Variants in FOXN3 observed in about 807,000 individuals in gnomAD.
FOXN3 encodes forkhead box N3.
FOXN3 carries 7 observed loss-of-function variants against 38.4 expected under a neutral mutation model. The ratio of observed to expected loss-of-function variants is 0.18; its 90% confidence interval spans 0.10 to 0.34. The LOEUF is 0.34. Among genes scored for constraint, FOXN3 ranks in the 10% least tolerant of loss-of-function variants. The pLI, the probability that FOXN3 is intolerant of heterozygous loss-of-function variation, is 1.00. For missense variants in FOXN3, 456 were observed against 613.4 expected (o/e 0.74, Z 2.71); for synonymous variants, 230 against 242.2 (o/e 0.95, Z 0.47).
In FOXN3 at chr14:89,414,551, GTTTT is replaced by G. The variant is rs748504239; in HGVS notation, c.-14-2065_-14-2062del. On this transcript the variant is annotated intron_variant, in intron 1 of 5. Transcript: ENST00000557258. ...GGAGCTGTGGTGAGAGGCCCAACCGGTTTTTTTTTTTTTTTTTTTTGAGACAGAG... is the reference window on the plus strand; with the variant it reads ...GGAGCTGTGGTGAGAGGCCCAACCGGTTTTTTTTTTTTTTTTGAGACAGAG... 5.3e-3 allele frequency among the ~76,000 whole-genome samples: 648 copies of G among 122,892 alleles called. 5 individuals carry two copies. Among genetic ancestry groups the G allele is most frequent in the African/African-American group, 0.019 (624 of 32,192 alleles). The allele number at this position is 122,892 out of a possible 152,430, so 80.6% of individuals were successfully genotyped here.
intron 3 of FOXN3, among the ~76,000 whole-genome samples, chr14:89,298,472 TA>T (rs55856005): frequency 0.065 from 8,072 of 123,534 alleles, 266 homozygotes; most frequent in Middle Eastern, 0.092. Context: ...TCCGTCTATT[TA>T]AAAAAAAAAA....
At chr14:89,273,952 A>C (rs759842504) in intron 4 of FOXN3, among the ~76,000 whole-genome samples, 23 of 152,276 alleles carry the variant, frequency 1.5e-4, no homozygotes, top group Non-Finnish European at 2.6e-4. Context: ...CTTTTCTGCC[A>C]TTGCTAATTT....
chr14:89,377,019 T>TC (rs1890496578), intron 2 of FOXN3, among the ~76,000 whole-genome samples: 1 of 17,016 alleles, frequency 5.9e-5, no homozygotes, highest in Non-Finnish European at 1.2e-4. Flanking sequence ...AGACTCTGTC[T>TC]CAAAAAAAAA....
chr14:89,418,248 C>G (rs1178727171), upstream of FOXN3, among the ~76,000 whole-genome samples: 2 of 152,070 alleles, frequency 1.3e-5, no homozygotes, highest in African/African-American at 4.8e-5. Flanking sequence ...CCCTCCTGAG[C>G]CAGTGGACAG....
At chr14:89,607,983 AT>A (rs200924391) in intron 1 of FOXN3, among the ~76,000 whole-genome samples, 15 of 140,846 alleles carry the variant, frequency 1.1e-4, no homozygotes, top group African/African-American at 3.1e-4. Flanking sequence ...CACCCAGCTA[AT>A]TTTTTTTTTT....
intron 1 of FOXN3, among the ~76,000 whole-genome samples, chr14:89,614,959 G>A (rs779702159): frequency 3.3e-5 from 5 of 151,984 alleles, no homozygotes; most frequent in Admixed American, 6.6e-5. Context: ...TCCTCTTCCC[G>A]AATTTGAAAC....
chr14:89,436,290 A>T (rs1006924918), intron 1 of FOXN3, among the ~76,000 whole-genome samples: 4 of 16,960 alleles, frequency 2.4e-4, no homozygotes, highest in East Asian at 6.3e-4. Flanking sequence ...TTTATTCATT[A>T]AAAAAAAAAA....
intron 2 of FOXN3, among the ~76,000 whole-genome samples, chr14:89,385,872 A>G (rs533716926): frequency 2.0e-5 from 3 of 152,250 alleles, no homozygotes; most frequent in African/African-American, 7.2e-5. Context: ...GAGAGGGAGA[A>G]AAAAGCAAAA....
intron 3 of FOXN3, among the ~76,000 whole-genome samples, chr14:89,332,302 T>C (rs1888272991): frequency 6.6e-6 from 1 of 152,202 alleles, no homozygotes; most frequent in Non-Finnish European, 1.5e-5. Context: ...TCAGGAAAAT[T>C]ATATACATAT....
intron 2 of FOXN3, among the ~76,000 whole-genome samples, chr14:89,397,124 G>T (rs540133239): frequency 8.5e-5 from 13 of 152,098 alleles, no homozygotes; most frequent in Non-Finnish European, 1.8e-4. Flanking sequence ...ATGAGATCAC[G>T]TCTTTTACGG....
At chr14:89,549,879 G>C (rs964890727) in intron 1 of FOXN3, among the ~76,000 whole-genome samples, 1 of 152,152 alleles carries the variant, frequency 6.6e-6, no homozygotes, top group Non-Finnish European at 1.5e-5. Context: ...CATCAGCCTG[G>C]AATGCAAGGA....
intron 1 of FOXN3, among the ~76,000 whole-genome samples, chr14:89,425,936 G>A (rs1892016814): frequency 6.6e-6 from 1 of 152,106 alleles, no homozygotes; most frequent in Admixed American, 6.5e-5. Context: ...GTGCCAGAAT[G>A]ACGCTTATCT....
At chr14:89,567,096 T>C (rs1190593183) in intron 1 of FOXN3, among the ~76,000 whole-genome samples, 1 of 152,180 alleles carries the variant, frequency 6.6e-6, no homozygotes, top group African/African-American at 2.4e-5. Flanking sequence ...TCCAGGTGCG[T>C]TCCCTAAAAC....
At chr14:89,298,503 T>C (rs1433774766) in intron 3 of FOXN3, among the ~76,000 whole-genome samples, 2 of 143,724 alleles carry the variant, frequency 1.4e-5, no homozygotes, top group Non-Finnish European at 3.0e-5. Flanking sequence ...GGCTGGATAG[T>C]ACATTTTATT....
intron 2 of FOXN3, chr14:89,351,246 C>T (rs969044864): frequency 6.6e-6 from 1 of 152,422 alleles, no homozygotes; most frequent in African/African-American, 2.4e-5. Flanking sequence ...GTTTTAAAAC[C>T]ATATGACATC....
At chr14:89,325,488 C>T (rs1387227664) in intron 3 of FOXN3, among the ~76,000 whole-genome samples, 2 of 152,182 alleles carry the variant, frequency 1.3e-5, no homozygotes, top group Non-Finnish European at 2.9e-5. Flanking sequence ...TTCTTCTTCC[C>T]TATCTCATGC....
intron 2 of FOXN3, among the ~76,000 whole-genome samples, chr14:89,371,596 C>A (rs527903456): frequency 6.6e-6 from 1 of 152,060 alleles, no homozygotes; most frequent in South Asian, 2.1e-4. Flanking sequence ...TATATTCCAC[C>A]TGCCCCGCAG....
intron 5 of FOXN3, among the ~76,000 whole-genome samples, chr14:89,175,088 C>G (rs1887486913): frequency 6.6e-6 from 1 of 152,198 alleles, no homozygotes; most frequent in South Asian, 2.1e-4. Flanking sequence ...TGATCCGGAG[C>G]AGAACTTAGG....
chr14:89,299,898 C>T (rs1044934038), intron 3 of FOXN3, among the ~76,000 whole-genome samples: 2 of 152,188 alleles, frequency 1.3e-5, no homozygotes, highest in Non-Finnish European at 2.9e-5. Flanking sequence ...TCCCCTCCAT[C>T]AAGAGCAAAC....
Sources: gnomAD v4.1 joint callset for allele counts (sites outside exome capture counted in the v4.1 genomes callset) on GRCh38, gnomAD v4.1.1 for gene constraint, MANE v1.5 for transcripts, NCBI Gene and HGNC (gene_info 2026-07-23, HGNC 2026-07-21) for gene names.